Variants in NIPSNAP3B observed in about 807,000 individuals in gnomAD.
The protein encoded by NIPSNAP3B is nipsnap homolog 3B.
A neutral mutation model predicts 31.5 loss-of-function variants in NIPSNAP3B; 30 were observed. The observed-to-expected ratio is 0.95, with a 90% CI of 0.71 to 1.29. NIPSNAP3B has a LOEUF of 1.29. Ranked by LOEUF, NIPSNAP3B falls within the 50% of genes most tolerant of loss-of-function variation. The probability of loss-of-function intolerance (pLI) is 0.00; values close to 1 mark genes in which losing one functional copy is unlikely to be tolerated. For synonymous variants in NIPSNAP3B, 106 were observed against 107.9 expected (o/e 0.98, Z 0.11); for missense variants, 269 against 300.7 (o/e 0.89, Z 0.78).
chr9:104,772,769 C>G, intron 4 of NIPSNAP3B, 53 bp from the exon 5 acceptor site: 1 of 1,553,572 alleles, frequency 6.4e-7, no homozygotes, highest in East Asian at 2.3e-5. Context: ...TTCAATATTT[C>G]TTATTTGCTA....
downstream of NIPSNAP3B, among the ~76,000 whole-genome samples, chr9:104,780,376 T>C (rs903811833): frequency 1.8e-4 from 28 of 152,184 alleles, no homozygotes; most frequent in Non-Finnish European, 3.7e-4. Context: ...AAAGGACTGT[T>C]TGACAGGGAT....
rs34979251 is a variant in NIPSNAP3B at position 104,775,177 on chromosome 9, CT to C, written c.*2112del. 1.3e-4 allele frequency among the ~76,000 whole-genome samples: 19 copies of C among 150,380 alleles called. No individual in the cohort carries two copies. Among genetic ancestry groups the C allele is most frequent in the African/African-American group, 4.2e-4 (17 of 40,940 alleles). ...TTCTTCTCCTCAGCATATAAATATACTTTTTTTTCCTATCTTTAAAAAAAAA... is the reference window on the plus strand; with the variant it reads ...TTCTTCTCCTCAGCATATAAATATACTTTTTTTCCTATCTTTAAAAAAAAA... On this transcript the variant is annotated 3_prime_UTR_variant, in exon 6 of 6. Coordinates refer to ENST00000374762, the MANE Select transcript of NIPSNAP3B (RefSeq NM_018376.4).
intron 1 of NIPSNAP3B, among the ~76,000 whole-genome samples, chr9:104,765,169 ACT>A (rs1183102177): frequency 6.6e-6 from 1 of 152,214 alleles, no homozygotes; most frequent in East Asian, 1.9e-4. Context: ...TAAGGGCATA[ACT>A]CATACTGGAG....
chr9:104,780,715 C>A (rs1276373764), downstream of NIPSNAP3B, among the ~76,000 whole-genome samples: 1 of 152,184 alleles, frequency 6.6e-6, no homozygotes, highest in Non-Finnish European at 1.5e-5. Context: ...ATAAGCTCAG[C>A]TACAGAGCAT....
rs1222828409 is a variant in NIPSNAP3B, at chr9:104,775,163, A to G, written c.*2090A>G. 6.7e-6 allele frequency among the ~76,000 whole-genome samples: 1 copy of G among 149,006 alleles called. No homozygotes were observed. The highest frequency in any genetic ancestry group is 1.5e-5 in the Non-Finnish European group (1 of 67,402). ...CCCCTTCAACTGGATTCTTCTCCTC[A>G]GCATATAAATATACTTTTTTTTCCT... On this transcript the variant is annotated 3_prime_UTR_variant, in exon 6 of 6. Transcript: ENST00000374762.
chr9:104,786,286 T>G, the NIPSNAP3B span: 1 of 1,606,186 alleles, frequency 6.2e-7, no homozygotes, highest in Non-Finnish European at 8.5e-7. Flanking sequence ...CCAAAGAAAT[T>G]ATCTTTATTA....
At chr9:104,765,419 A>G (rs1383477687) in intron 1 of NIPSNAP3B, among the ~76,000 whole-genome samples, 1 of 152,202 alleles carries the variant, frequency 6.6e-6, no homozygotes, top group African/African-American at 2.4e-5. Context: ...GTTTACATAA[A>G]TATTTGCATG....
rs997969880 is a variant in NIPSNAP3B, at chr9:104,777,445, AG to A, written c.*4374del. The A allele has an allele frequency of 6.6e-6, 1 of 152,248 alleles. No individual in the cohort carries two copies. The highest frequency in any genetic ancestry group is 6.5e-5 in the Admixed American group (1 of 15,282). The allele number at this position is 152,248 out of a possible 1,614,324, so 9.4% of individuals were successfully genotyped here. A position where few individuals can be genotyped will look rare whatever the true frequency, so the allele number is the denominator to read the frequency against. ...CTTGAAAGAAGCACATTCCCCCAGG[AG>A]GAGGAAATGGTTTGTTTTCTTTAGT... On this transcript the variant is annotated 3_prime_UTR_variant, in exon 6 of 6. Transcript: ENST00000374762.
the NIPSNAP3B span, among the ~76,000 whole-genome samples, chr9:104,785,960 C>CA: frequency 1.3e-5 from 2 of 152,202 alleles, no homozygotes; most frequent in Admixed American, 1.3e-4. Context: ...GGCCAGGATG[C>CA]AAACCCATTT....
chr9:104,782,204 T>C (rs2118823978), downstream of NIPSNAP3B: 1 of 152,272 alleles, frequency 6.6e-6, no homozygotes, highest in South Asian at 2.1e-4. Flanking sequence ...TTCTGTATTT[T>C]TGAAGATACT....
downstream of NIPSNAP3B, chr9:104,781,877 C>T (rs1291142536): frequency 1.3e-5 from 2 of 152,368 alleles, no homozygotes; most frequent in Non-Finnish European, 2.9e-5. Flanking sequence ...ATTTCTACCA[C>T]AATTAGGTTT....
downstream of NIPSNAP3B, among the ~76,000 whole-genome samples, chr9:104,780,585 AC>A (rs1346210348): frequency 2.0e-5 from 3 of 151,978 alleles, no homozygotes; most frequent in Admixed American, 2.0e-4. Flanking sequence ...CATTGCCACC[AC>A]CCCCAGCACC....
At chr9:104,770,321 A>G (rs1270655437) in intron 3 of NIPSNAP3B, among the ~76,000 whole-genome samples, 3 of 152,102 alleles carry the variant, frequency 2.0e-5, no homozygotes, top group Non-Finnish European at 4.4e-5. Flanking sequence ...CATCTCCTTG[A>G]GGGTTTTCTT....
At chr9:104,785,859 C>A in the NIPSNAP3B span, among the ~76,000 whole-genome samples, 4 of 152,208 alleles carry the variant, frequency 2.6e-5, no homozygotes, top group Admixed American at 2.6e-4. Context: ...TTAATCCTCA[C>A]CTGGACCCAT....
At chr9:104,788,183 TGAG>T in the NIPSNAP3B span, 1 of 1,229,508 alleles carries the variant, frequency 8.1e-7, no homozygotes, top group South Asian at 1.2e-5. Context: ...TGACAACTGG[TGAG>T]GAGCCAAAGC....
the NIPSNAP3B span, chr9:104,786,288 T>A: frequency 1.2e-6 from 2 of 1,607,336 alleles, no homozygotes; most frequent in Non-Finnish European, 8.5e-7. Flanking sequence ...AAAGAAATTA[T>A]CTTTATTACC....
downstream of NIPSNAP3B, among the ~76,000 whole-genome samples, chr9:104,780,818 C>A (rs1308585375): frequency 6.6e-6 from 1 of 152,188 alleles, no homozygotes; most frequent in Non-Finnish European, 1.5e-5. Context: ...GTATCTTAAC[C>A]AACATGAAAA....
At chr9:104,784,576 G>T in the NIPSNAP3B span, 5 of 1,158,206 alleles carry the variant, frequency 4.3e-6, no homozygotes, top group Admixed American at 2.0e-5. Context: ...TTACATAAAT[G>T]GATTAACTAG....
chr9:104,780,817 C>T (rs1227263724), downstream of NIPSNAP3B, among the ~76,000 whole-genome samples: 1 of 152,202 alleles, frequency 6.6e-6, no homozygotes, highest in Non-Finnish European at 1.5e-5. Flanking sequence ...AGTATCTTAA[C>T]CAACATGAAA....
Sources: allele counts gnomAD v4.1 joint callset (sites outside exome capture counted in the v4.1 genomes callset), GRCh38; gene constraint gnomAD v4.1.1; transcripts MANE v1.5; gene names NCBI Gene and HGNC (gene_info 2026-07-23, HGNC 2026-07-21).